Variants in ZNG1C observed in about 807,000 individuals in gnomAD.
The protein encoded by ZNG1C is zinc-regulated GTPase metalloprotein activator 1C.
the ZNG1C span, chr9:68,248,848 G>C: frequency 1.1e-4 from 54 of 494,614 alleles, no homozygotes; most frequent in East Asian, 1.6e-3. Context: ...TGCAAAAGAA[G>C]GGGAAATTTG....
chr9:68,255,697 A>G, the ZNG1C span, among the ~76,000 whole-genome samples: 1 of 149,088 alleles, frequency 6.7e-6, no homozygotes, highest in Non-Finnish European at 1.5e-5. Flanking sequence ...GAGTGAAAAA[A>G]TTCATGCTTT....
At chr9:68,268,771 T>G in the ZNG1C span, among the ~76,000 whole-genome samples, 24,758 of 148,648 alleles carry the variant, frequency 0.17, 131 homozygotes, top group Admixed American at 0.24. Flanking sequence ...TCATAATTAT[T>G]TTTTAAAGCA....
At chr9:68,244,687 G>T in the ZNG1C span, among the ~76,000 whole-genome samples, 1 of 120,466 alleles carries the variant, frequency 8.3e-6, no homozygotes, top group Non-Finnish European at 1.7e-5. Flanking sequence ...AGTGTGTACG[G>T]TTCACAAGAC....
the ZNG1C span, chr9:68,269,192 A>G: frequency 2.0e-6 from 1 of 501,988 alleles, no homozygotes. Context: ...TAAGATTACA[A>G]AGCCATGATA....
At chr9:68,246,117 CAAATATT>C in the ZNG1C span, among the ~76,000 whole-genome samples, 1 of 146,794 alleles carries the variant, frequency 6.8e-6, no homozygotes, top group Admixed American at 6.8e-5. Flanking sequence ...CTTCTCAACT[CAAATATT>C]AAACTGTAGT....
chr9:68,265,104 C>G, the ZNG1C span, among the ~76,000 whole-genome samples: 1 of 139,438 alleles, frequency 7.2e-6, no homozygotes, highest in African/African-American at 2.7e-5. Context: ...GTTGGCCAGG[C>G]TGGTCTCGAG....
At chr9:68,292,935 GT>G in the ZNG1C span, among the ~76,000 whole-genome samples, 2 of 80,790 alleles carry the variant, frequency 2.5e-5, no homozygotes, top group Non-Finnish European at 5.1e-5. Context: ...AAAGCACCAG[GT>G]AACCTGTAAA....
the ZNG1C span, chr9:68,247,507 A>G: frequency 1.3e-6 from 2 of 1,594,522 alleles, no homozygotes; most frequent in Non-Finnish European, 1.7e-6. Context: ...ATAAGTTATA[A>G]AATGCAGTTT....
At chr9:68,293,255 A>G in the ZNG1C span, among the ~76,000 whole-genome samples, 2 of 152,300 alleles carry the variant, frequency 1.3e-5, no homozygotes, top group Non-Finnish European at 2.9e-5. Context: ...CAAAAATACA[A>G]TTAGAAAAAC....
At chr9:68,264,855 A>ATATG in the ZNG1C span, among the ~76,000 whole-genome samples, 377 of 72,074 alleles carry the variant, frequency 5.2e-3, 3 homozygotes, top group East Asian at 0.035. Context: ...ATATATATAT[A>ATATG]TGTATAATAA....
the ZNG1C span, among the ~76,000 whole-genome samples, chr9:68,289,872 TA>T: frequency 6.1e-3 from 795 of 130,596 alleles, 4 homozygotes; most frequent in African/African-American, 0.022. Context: ...AAATGGGTAA[TA>T]CCTAGGACCT....
the ZNG1C span, among the ~76,000 whole-genome samples, chr9:68,289,361 TG>T: frequency 6.7e-6 from 1 of 149,616 alleles, no homozygotes; most frequent in Admixed American, 6.6e-5. Flanking sequence ...TGACTGAGTA[TG>T]GATCAGAAAG....
chr9:68,280,348 T>TGAGGAGCTGCGTTTCTTTGGAGGAGGA, the ZNG1C span, among the ~76,000 whole-genome samples: 1 of 151,752 alleles, frequency 6.6e-6, no homozygotes, highest in Non-Finnish European at 1.5e-5. Context: ...CCGTTGCTGG[T>TGAGGAGCTGCGTTTCTTTGGAGGAGGA]GAGGAGCTGC....
chr9:68,290,334 C>T, the ZNG1C span, among the ~76,000 whole-genome samples: 420 of 73,932 alleles, frequency 5.7e-3, 77 homozygotes, highest in African/African-American at 0.022. Context: ...TTTGACAGGC[C>T]AAGGTGGGTG....
At chr9:68,247,312 G>C in the ZNG1C span, among the ~76,000 whole-genome samples, 6 of 150,990 alleles carry the variant, frequency 4.0e-5, no homozygotes, top group Non-Finnish European at 8.9e-5. Context: ...GTTTACCCTG[G>C]ACAAGAAAAA....
chr9:68,288,647 A>ATTTTTT, the ZNG1C span, among the ~76,000 whole-genome samples: 1 of 56,966 alleles, frequency 1.8e-5, no homozygotes, highest in Non-Finnish European at 3.1e-5. Flanking sequence ...TAATTTTTGT[A>ATTTTTT]TTTTTTTTTT....
At chr9:68,280,970 G>T in the ZNG1C span, among the ~76,000 whole-genome samples, 3 of 117,868 alleles carry the variant, frequency 2.5e-5, no homozygotes, top group Admixed American at 9.0e-5. Flanking sequence ...TCAGACTGCT[G>T]TGCTAGCAAT....
chr9:68,271,840 A>G, the ZNG1C span, among the ~76,000 whole-genome samples: 5 of 151,288 alleles, frequency 3.3e-5, no homozygotes, highest in African/African-American at 1.2e-4. Flanking sequence ...AGGTAGATTC[A>G]ATGTGAGACT....
At chr9:68,292,135 A>G in the ZNG1C span, among the ~76,000 whole-genome samples, 1 of 152,182 alleles carries the variant, frequency 6.6e-6, no homozygotes, top group African/African-American at 2.4e-5. Context: ...AAAGGGAGAG[A>G]GTACTACATC....
Sources: allele counts gnomAD v4.1 joint callset (sites outside exome capture counted in the v4.1 genomes callset), GRCh38; gene constraint gnomAD v4.1.1; transcripts MANE v1.5; gene names NCBI Gene and HGNC (gene_info 2026-07-23, HGNC 2026-07-21).